KRABD3: variants seen among roughly 807,000 people sequenced by gnomAD.
KRABD3 encodes the protein KRAB domain containing 3, also known as KRAB domain-containing protein 3.
the KRABD3 span, chr7:149,733,234 G>A: frequency 1.2e-6 from 2 of 1,608,688 alleles, no homozygotes; most frequent in Admixed American, 3.3e-5. Context: ...TGCTCCCCCA[G>A]GGCCCGCCTG....
the KRABD3 span, chr7:149,721,113 T>G: frequency 7.6e-7 from 1 of 1,323,704 alleles, no homozygotes; most frequent in Non-Finnish European, 1.0e-6. Context: ...AGTCACCTGC[T>G]GTTCCTCGTG....
the KRABD3 span, among the ~76,000 whole-genome samples, chr7:149,732,291 C>G: frequency 1.3e-5 from 2 of 152,168 alleles, no homozygotes; most frequent in Admixed American, 1.3e-4. This position sits in a 1 kb window ranked among gnomAD's most constrained non-coding sequence, Gnocchi z 4.0. Flanking sequence ...CTGGGGCCAC[C>G]GAGCCTTGCC....
chr7:149,731,495 G>A, the KRABD3 span, among the ~76,000 whole-genome samples: 5 of 152,174 alleles, frequency 3.3e-5, no homozygotes, highest in African/African-American at 9.7e-5. Context: ...ACACACACAC[G>A]CACCGCGGCG....
At chr7:149,714,974 C>G in the KRABD3 span, 1 of 1,158,652 alleles carries the variant, frequency 8.6e-7, no homozygotes, top group Non-Finnish European at 1.1e-6. Context: ...CGGACCTGGG[C>G]CGCCGCCGAC....
chr7:149,721,764 C>G, the KRABD3 span: 176 of 687,840 alleles, frequency 2.6e-4, no homozygotes, highest in Non-Finnish European at 4.1e-4. Context: ...GCCTGTCATC[C>G]CGCCCCGATC....
chr7:149,715,084 G>T, the KRABD3 span: 6 of 1,230,702 alleles, frequency 4.9e-6, no homozygotes, highest in Non-Finnish European at 6.1e-6. Flanking sequence ...AGGCGGACGC[G>T]CGGACCCCTC....
At chr7:149,732,847 G>C in the KRABD3 span, among the ~76,000 whole-genome samples, 1 of 152,092 alleles carries the variant, frequency 6.6e-6, no homozygotes, top group Admixed American at 6.5e-5. This position sits in a 1 kb window ranked among gnomAD's most constrained non-coding sequence, Gnocchi z 4.0. Context: ...TGTCTCGGGG[G>C]CTCTGGACCC....
At chr7:149,728,880 G>A in the KRABD3 span, among the ~76,000 whole-genome samples, 5 of 152,232 alleles carry the variant, frequency 3.3e-5, no homozygotes, top group South Asian at 6.2e-4. Flanking sequence ...CACTGTCTGC[G>A]GTTCCACCAT....
chr7:149,727,185 C>T, the KRABD3 span, among the ~76,000 whole-genome samples: 2 of 152,294 alleles, frequency 1.3e-5, no homozygotes, highest in African/African-American at 4.8e-5. Flanking sequence ...TCTGTGTTGT[C>T]CTGCCGACAC....
the KRABD3 span, chr7:149,715,436 C>A: frequency 1.1e-6 from 1 of 877,556 alleles, no homozygotes; most frequent in Non-Finnish European, 1.4e-6. Flanking sequence ...AAAGATAGAA[C>A]AAACCCCAAG....
chr7:149,721,485 G>A, the KRABD3 span: 1 of 1,612,960 alleles, frequency 6.2e-7, no homozygotes, highest in South Asian at 1.1e-5. Context: ...GACAGCTCGT[G>A]TTCCAGTGGC....
the KRABD3 span, chr7:149,722,902 G>T: frequency 6.2e-7 from 1 of 1,613,280 alleles, no homozygotes; most frequent in East Asian, 2.2e-5. Context: ...CCCTAGCCTG[G>T]GCACGTCCAG....
chr7:149,724,585 G>T, the KRABD3 span: 1 of 1,221,806 alleles, frequency 8.2e-7, no homozygotes. Flanking sequence ...CCCTATAAAG[G>T]CCTCAAGGGA....
At chr7:149,716,623 A>G in the KRABD3 span, among the ~76,000 whole-genome samples, 21 of 152,320 alleles carry the variant, frequency 1.4e-4, no homozygotes, top group Admixed American at 1.2e-3. Flanking sequence ...TTTTATCACA[A>G]AACAGTTTGT....
chr7:149,716,134 G>A, the KRABD3 span, among the ~76,000 whole-genome samples: 5 of 152,310 alleles, frequency 3.3e-5, no homozygotes, highest in African/African-American at 9.6e-5. Flanking sequence ...AGGTTGAGAG[G>A]TCCTGTGGCA....
chr7:149,732,595 G>A, the KRABD3 span, among the ~76,000 whole-genome samples: 11 of 151,582 alleles, frequency 7.3e-5, no homozygotes, highest in East Asian at 7.8e-4. The surrounding 1 kb of genome is among the most constrained non-coding windows in gnomAD (Gnocchi z 4.0). Context: ...AATTTAGGGC[G>A]AAGGATTAGG....
chr7:149,726,437 A>T, the KRABD3 span, among the ~76,000 whole-genome samples: 1 of 139,642 alleles, frequency 7.2e-6, no homozygotes, highest in Non-Finnish European at 1.6e-5. Flanking sequence ...TCTATACAGA[A>T]TTTTTTTTTT....
chr7:149,718,386 C>G, the KRABD3 span, among the ~76,000 whole-genome samples: 1 of 152,080 alleles, frequency 6.6e-6, no homozygotes, highest in Non-Finnish European at 1.5e-5. Context: ...CAGGAAGGAC[C>G]CTTCCCATAA....
At chr7:149,730,707 C>A in the KRABD3 span, 1 of 1,102,194 alleles carries the variant, frequency 9.1e-7, no homozygotes, top group Non-Finnish European at 1.3e-6. Flanking sequence ...CTTTAGTTCC[C>A]TGTAAGGTGA....
Sources: allele counts gnomAD v4.1 joint callset (sites outside exome capture counted in the v4.1 genomes callset), GRCh38; gene constraint gnomAD v4.1.1; non-coding constraint Gnocchi (gnomAD v3.1); transcripts MANE v1.5; gene names NCBI Gene and HGNC (gene_info 2026-07-23, HGNC 2026-07-21).